The following CCDC171 variants were observed in gnomAD, a reference collection of about 807,000 sequenced individuals.
CCDC171 encodes coiled-coil domain containing 171.
In CCDC171, 177 loss-of-function variants were observed where a neutral mutation model predicts 168.2. That is an observed-to-expected ratio of 1.05 (90% CI 0.93 to 1.19). The LOEUF is 1.19. Among genes scored for constraint, CCDC171 ranks in the 50% most tolerant of loss-of-function variants. The pLI is 0.00. For synonymous variants in CCDC171, 687 were observed against 540.8 expected, an observed-to-expected ratio of 1.27 and a Z score of -3.75; for missense variants, 1,991 against 1,539.0, an observed-to-expected ratio of 1.29 and a Z score of -4.91.
chr9:15,921,739 TC>T (rs1485521330), intron 25 of CCDC171, among the ~76,000 whole-genome samples: 1 of 151,600 alleles, frequency 6.6e-6, no homozygotes, highest in Non-Finnish European at 1.5e-5. Flanking sequence ...AAATTTGACC[TC>T]CACCAAGAGA....
chr9:15,553,117 C>T lies in CCDC171; in HGVS notation c.-297C>T, dbSNP rs74554490. ...AGTGGCAGTTGTAAACTTCACCTCC[C>T]GGGGGCTCTTCCCCTTCTGTACCCC... On this transcript the variant is annotated 5_prime_UTR_variant, in exon 1 of 26. Transcript: ENST00000380701. 1.0e-3 allele frequency: 155 copies of T among 152,616 alleles called. 2 individuals carry two copies. In the South Asian group the frequency reaches 0.016, roughly 15 times the overall value. The allele number at this position is 152,616 out of a possible 1,614,324, so 9.5% of individuals were successfully genotyped here.
chr9:15,701,851 C>G (rs2051775166), intron 11 of CCDC171, among the ~76,000 whole-genome samples: 1 of 152,150 alleles, frequency 6.6e-6, no homozygotes, highest in African/African-American at 2.4e-5. Context: ...TGACTTACTC[C>G]CATGTATCAC....
chr9:15,914,912 C>T (rs1453296651), intron 24 of CCDC171, among the ~76,000 whole-genome samples: 2 of 152,030 alleles, frequency 1.3e-5, no homozygotes, highest in Admixed American at 6.5e-5. Flanking sequence ...GTTCCCTGAC[C>T]CCTTGTGCTT....
chr9:15,710,013 A>T (rs1159594811), intron 11 of CCDC171, among the ~76,000 whole-genome samples: 1 of 152,152 alleles, frequency 6.6e-6, no homozygotes, highest in African/African-American at 2.4e-5. Context: ...TCTGTATTAT[A>T]TATCTGTATA....
intron 9 of CCDC171, among the ~76,000 whole-genome samples, 190 bp downstream of exon 9, chr9:15,666,513 T>C (rs1406714142): frequency 2.0e-5 from 3 of 152,220 alleles, no homozygotes; most frequent in Non-Finnish European, 4.4e-5. Context: ...CTTTTGGATA[T>C]TGAAGTATAT....
rs936226410 is a variant in CCDC171, at chr9:15,997,376, G to A, written n.369-23213G>A. ...AGCATGGCCCCAGCTCCTACACTTT[G>A]TAGATCCCAAAGTTGCTGCAGCTAT... is the stretch of plus-strand genomic sequence containing the variant. On this transcript the variant is annotated intron_variant and non_coding_transcript_variant, in intron 3 of 9. Coordinates refer to the CCDC171 transcript ENST00000486641. Among the ~76,000 whole-genome samples, 6 of 152,322 alleles carry A rather than the reference G, an allele frequency of 3.9e-5. No homozygotes were observed. The South Asian group carries it at 1.0e-3, about 26-fold the overall frequency.
chr9:15,645,436 A>G (rs1006397548), intron 7 of CCDC171, among the ~76,000 whole-genome samples: 1 of 152,232 alleles, frequency 6.6e-6, no homozygotes, highest in African/African-American at 2.4e-5. Flanking sequence ...GATCGGTAAT[A>G]ACAAACTGCT....
intron 7 of CCDC171, among the ~76,000 whole-genome samples, chr9:15,633,748 A>G (rs1386419751): frequency 6.6e-6 from 1 of 152,224 alleles, no homozygotes; most frequent in Non-Finnish European, 1.5e-5. Flanking sequence ...GGCACTATTC[A>G]GAATAGCAAA....
intron 6 of CCDC171, among the ~76,000 whole-genome samples, chr9:15,595,511 G>T (rs1402068310): frequency 1.3e-5 from 2 of 152,152 alleles, no homozygotes; most frequent in Non-Finnish European, 2.9e-5. Context: ...GTATTCCATG[G>T]TGTATATGTG....
intron 24 of CCDC171, among the ~76,000 whole-genome samples, chr9:15,906,433 C>T (rs1381369811): frequency 6.6e-6 from 1 of 152,190 alleles, no homozygotes; most frequent in East Asian, 1.9e-4. Flanking sequence ...ATATGATTAT[C>T]TCAATAGATG....
intron 9 of CCDC171, among the ~76,000 whole-genome samples, chr9:15,668,187 C>T (rs1320336322): frequency 6.6e-6 from 1 of 152,010 alleles, no homozygotes; most frequent in African/African-American, 2.4e-5. Context: ...TAGTGAGTTC[C>T]CTGCCTTGGG....
intron 6 of CCDC171, among the ~76,000 whole-genome samples, chr9:16,027,622 C>G (rs1462596850): frequency 2.0e-5 from 3 of 152,160 alleles, no homozygotes; most frequent in African/African-American, 7.2e-5. Context: ...TATTGCAGTC[C>G]AGGCTGATTC....
chr9:15,937,388 A>G (rs1228520895), intron 25 of CCDC171, among the ~76,000 whole-genome samples: 1 of 152,032 alleles, frequency 6.6e-6, no homozygotes, highest in Non-Finnish European at 1.5e-5. Context: ...AAAAAAGCTT[A>G]TTAGACTCAT....
At chr9:15,594,201 T>A in intron 6 of CCDC171, 29 bp downstream of exon 6, 1 of 1,148,400 alleles carries the variant, frequency 8.7e-7, no homozygotes. Context: ...GTTCCTTAAA[T>A]ATATATTTTT....
chr9:15,908,087 G>A (rs1330552410), intron 24 of CCDC171, among the ~76,000 whole-genome samples: 1 of 151,462 alleles, frequency 6.6e-6, no homozygotes, highest in Non-Finnish European at 1.5e-5. Flanking sequence ...CATTGTGGAA[G>A]TCAATGTGGC....
chr9:15,568,517 G>A lies in CCDC171; in HGVS notation c.42-3107G>A, dbSNP rs540811673. Reference sequence around the variant, plus strand: ...GATCTCCTGACCTCGTGATCCACCCGCCTTGGCCTCCCAAAGTGCTGGGAT... The same window carrying A: ...GATCTCCTGACCTCGTGATCCACCCACCTTGGCCTCCCAAAGTGCTGGGAT... On this transcript the variant is annotated intron_variant, in intron 2 of 25. Coordinates refer to ENST00000380701, the MANE Select transcript of CCDC171 (RefSeq NM_173550.4). Among the ~76,000 whole-genome samples, 166 of 152,214 alleles carry A rather than the reference G, an allele frequency of 1.1e-3. No individual in the cohort carries two copies. The Middle Eastern group carries it at 0.017, about 16-fold the overall frequency.
chr9:15,612,925 A>C (rs541561106), intron 6 of CCDC171, among the ~76,000 whole-genome samples: 1 of 152,286 alleles, frequency 6.6e-6, no homozygotes, highest in Non-Finnish European at 1.5e-5. Context: ...TAATGGTGAC[A>C]GGATGGTAGA....
intron 8 of CCDC171, among the ~76,000 whole-genome samples, chr9:16,036,485 A>G (rs949458131): frequency 3.3e-5 from 5 of 152,222 alleles, no homozygotes; most frequent in Non-Finnish European, 5.9e-5. Flanking sequence ...TCTCCTAAAA[A>G]TACAAAAAAT....
chr9:15,942,178 G>A (rs925799800), intron 25 of CCDC171, among the ~76,000 whole-genome samples: 2 of 151,914 alleles, frequency 1.3e-5, no homozygotes, highest in African/African-American at 4.8e-5. Flanking sequence ...TGCTATGTGA[G>A]TAGGAGATTG....
Sources: gnomAD v4.1 joint callset for allele counts (sites outside exome capture counted in the v4.1 genomes callset) on GRCh38, gnomAD v4.1.1 for gene constraint, MANE v1.5 for transcripts, NCBI Gene and HGNC (gene_info 2026-07-23, HGNC 2026-07-21) for gene names.